GNAS-AS1: variants seen among roughly 807,000 people sequenced by gnomAD.
The protein encoded by GNAS-AS1 is GNAS antisense RNA 1 (non-protein coding).
intron 4 of GNAS-AS1, chr20:58,826,863 C>CTTTTTTTTTTTTTTTTTTTT (rs57146714): frequency 1.7e-4 from 15 of 85,748 alleles, no homozygotes; most frequent in South Asian, 4.7e-4. Flanking sequence ...CCATGCCTGG[C>CTTTTTTTTTTTTTTTTTTTT]TTTTTTTTTT....
chr20:58,849,382 C>T (rs900407744), intron 1 of GNAS-AS1, among the ~76,000 whole-genome samples: 3 of 152,200 alleles, frequency 2.0e-5, no homozygotes, highest in Admixed American at 6.5e-5. Context: ...CTGTCCAGTG[C>T]GCCAATTGTT....
intron 4 of GNAS-AS1, among the ~76,000 whole-genome samples, chr20:58,821,742 G>C (rs2085488630): frequency 6.6e-6 from 1 of 151,686 alleles, no homozygotes; most frequent in Non-Finnish European, 1.5e-5. Context: ...AGGCCTAGCT[G>C]TGGTCACAAC....
In GNAS-AS1 at chr20:58,840,343, C is replaced by T. The variant is rs1178973436; in HGVS notation, n.819+1594G>A. 6.2e-7 allele frequency: 1 copy of T among 1,613,164 alleles called. No individual in the cohort carries two copies. The highest frequency in any genetic ancestry group is 8.5e-7 in the Non-Finnish European group (1 of 1,179,998). On this transcript the variant is annotated intron_variant and non_coding_transcript_variant, in intron 4 of 4. Transcript: ENST00000424094. This position sits in a 1 kb window ranked among gnomAD's most constrained non-coding sequence, Gnocchi z 6.0. ...CCGGCGCCCAGGTATTCCCTGAGTC[C>T]CCCGAATCGGAATCTGACCACGAGC... is the stretch of plus-strand genomic sequence containing the variant.
chr20:58,843,318 C>T (rs1568912227), intron 2 of GNAS-AS1: 1 of 151,998 alleles, frequency 6.6e-6, no homozygotes, highest in African/African-American at 2.4e-5. Context: ...TACCAACCCC[C>T]GAGGAAAGCA....
At chr20:58,829,710 T>TA (rs2085541872) in intron 4 of GNAS-AS1, among the ~76,000 whole-genome samples, 1 of 152,216 alleles carries the variant, frequency 6.6e-6, no homozygotes, top group Non-Finnish European at 1.5e-5. Flanking sequence ...TGTGCACGTA[T>TA]CACTTTTTCA....
At chr20:58,832,910 T>C (rs2085576611) in intron 4 of GNAS-AS1, among the ~76,000 whole-genome samples, 1 of 152,232 alleles carries the variant, frequency 6.6e-6, no homozygotes, top group Non-Finnish European at 1.5e-5. Flanking sequence ...TGGTCAAAAA[T>C]CACACTTTGG....
Position 58,841,833 on chromosome 20 carries a change from C to T in GNAS-AS1, n.819+104G>A, listed in dbSNP as rs2085742029. Reference sequence around the variant, plus strand: ...AGCAGGAGACGTCCTGGGCTGTTTGCGCAGGACCTCTGGAGGCCCTCGAGA... The same window carrying T: ...AGCAGGAGACGTCCTGGGCTGTTTGTGCAGGACCTCTGGAGGCCCTCGAGA... On this transcript the variant is annotated intron_variant and non_coding_transcript_variant, in intron 4 of 4. Transcript: ENST00000424094. The surrounding 1 kb of genome is among the most constrained non-coding windows in gnomAD (Gnocchi z 5.0). 11 of 1,230,896 alleles carry T rather than the reference C, an allele frequency of 8.9e-6. No individual in the cohort carries two copies. Among genetic ancestry groups the T allele is most frequent in the Non-Finnish European group, 1.0e-5 (10 of 987,942 alleles). The allele number at this position is 1,230,896 out of a possible 1,614,324, so 76.2% of individuals were successfully genotyped here.
chr20:58,835,923 G>A (rs4812037), intron 4 of GNAS-AS1, among the ~76,000 whole-genome samples: 59,320 of 149,926 alleles, frequency 0.4, 13,657 homozygotes, highest in East Asian at 0.79. Flanking sequence ...GAGCCTCCAC[G>A]CCCTGCCTTG....
chr20:58,823,255 C>T (rs935686969), intron 4 of GNAS-AS1, among the ~76,000 whole-genome samples: 2 of 152,246 alleles, frequency 1.3e-5, no homozygotes, highest in South Asian at 4.1e-4. Context: ...ATACCACTGC[C>T]TCATTCGGCC....
intron 4 of GNAS-AS1, among the ~76,000 whole-genome samples, chr20:58,820,422 G>C (rs1484800440): frequency 3.3e-5 from 5 of 152,198 alleles, no homozygotes; most frequent in African/African-American, 1.2e-4. Flanking sequence ...AGCTCTCCAA[G>C]GGTGCCCCAC....
At chr20:58,830,815 G>A (rs1056078240) in intron 4 of GNAS-AS1, among the ~76,000 whole-genome samples, 3 of 151,536 alleles carry the variant, frequency 2.0e-5, no homozygotes, top group African/African-American at 7.3e-5. Context: ...AGGCCTGTGT[G>A]ATCCCAAATC....
At chr20:58,828,175 C>T (rs550978556) in intron 4 of GNAS-AS1, among the ~76,000 whole-genome samples, 26 of 152,360 alleles carry the variant, frequency 1.7e-4, no homozygotes, top group Non-Finnish European at 3.4e-4. Flanking sequence ...CCCTTCCCGG[C>T]TGCCATGTGG....
chr20:58,842,546 C>A, intron 2 of GNAS-AS1: 1 of 398,606 alleles, frequency 2.5e-6, no homozygotes, highest in South Asian at 1.3e-4. Flanking sequence ...GTGGTCTTCC[C>A]TAGTAAATAC....
intron 4 of GNAS-AS1, among the ~76,000 whole-genome samples, chr20:58,832,792 C>T (rs908147524): frequency 6.6e-6 from 1 of 152,222 alleles, no homozygotes; most frequent in African/African-American, 2.4e-5. Flanking sequence ...CAAAAATTTA[C>T]GAAGTGACAA....
chr20:58,841,416 A>G lies in GNAS-AS1; in HGVS notation n.819+521T>C. On this transcript the variant is annotated intron_variant and non_coding_transcript_variant, in intron 4 of 4. Coordinates refer to ENST00000424094, the Ensembl canonical transcript of GNAS-AS1. The surrounding 1 kb of genome is among the most constrained non-coding windows in gnomAD (Gnocchi z 5.0). ...ATGGGAATGGGCGAGAACTCTAGAG[A>G]CTGACCACCCGGGAGGGAAGTCACG... The G allele has an allele frequency of 1.1e-5, 11 of 994,692 alleles. No individual in the cohort carries two copies. Among genetic ancestry groups the G allele is most frequent in the Non-Finnish European group, 1.3e-5 (11 of 835,586 alleles). 61.6% of individuals were successfully genotyped at this position (994,692 alleles called of 1,614,324 possible). A position where few individuals can be genotyped will look rare whatever the true frequency, so the allele number is the denominator to read the frequency against.
At chr20:58,828,168 T>C (rs73129526) in intron 4 of GNAS-AS1, among the ~76,000 whole-genome samples, 17,790 of 152,284 alleles carry the variant, frequency 0.12, 1,108 homozygotes, top group South Asian at 0.14. Flanking sequence ...GGCCAAACCC[T>C]TCCCGGCTGC....
At chr20:58,839,533 TTGCCACCCGCCA>T in intron 4 of GNAS-AS1, 1 of 405,170 alleles carries the variant, frequency 2.5e-6, no homozygotes, top group Non-Finnish European at 4.4e-6. Context: ...CGCTTGCTCC[TTGCCACCCGCCA>T]GGCCCCCCGC....
Position 58,840,991 on chromosome 20 carries a change from AG to A in GNAS-AS1, n.819+945del, listed in dbSNP as rs2085697691. The A allele has an allele frequency of 8.0e-7, 1 of 1,253,374 alleles. No homozygotes were observed. Among genetic ancestry groups the A allele is most frequent in the Non-Finnish European group, 1.1e-6 (1 of 883,618 alleles). The allele number at this position is 1,253,374 out of a possible 1,614,324, so 77.6% of individuals were successfully genotyped here. ...GCAGGTCAGGGGCGAGTGGGAAGAG[AG>A]GAGGCTCAGCTGGTCAGCCTGGGAT... On this transcript the variant is annotated intron_variant and non_coding_transcript_variant, in intron 4 of 4. Coordinates refer to ENST00000424094, the Ensembl canonical transcript of GNAS-AS1. The surrounding 1 kb of genome is among the most constrained non-coding windows in gnomAD (Gnocchi z 6.0).
chr20:58,830,664 C>T (rs964264380), intron 4 of GNAS-AS1, among the ~76,000 whole-genome samples: 30 of 144,322 alleles, frequency 2.1e-4, no homozygotes, highest in Non-Finnish European at 4.1e-4. Context: ...TCACCACCAC[C>T]ACCATCACCA....
Sources: allele counts gnomAD v4.1 joint callset (sites outside exome capture counted in the v4.1 genomes callset), GRCh38; gene constraint gnomAD v4.1.1; non-coding constraint Gnocchi (gnomAD v3.1); transcripts MANE v1.5; gene names NCBI Gene and HGNC (gene_info 2026-07-23, HGNC 2026-07-21).